The following TANC2 variants were observed in gnomAD, a reference collection of about 807,000 sequenced individuals.
The protein encoded by TANC2 is protein TANC2.
TANC2 carries 26 observed loss-of-function variants against 210.5 expected under a neutral mutation model. The observed-to-expected ratio is 0.12, with a 90% confidence interval of 0.09 to 0.17. The LOEUF is 0.17. TANC2 is among the 10% of genes least tolerant of loss of function. The pLI is 1.00. For missense variants in TANC2, 2,129 were observed against 2,608.9 expected (o/e 0.82, Z 4.01); for synonymous variants, 931 against 967.1 (o/e 0.96, Z 0.69).
intron 1 of TANC2, among the ~76,000 whole-genome samples, chr17:62,995,985 A>G (rs575049621): frequency 1.3e-5 from 2 of 152,338 alleles, no homozygotes; most frequent in African/African-American, 4.8e-5. Flanking sequence ...AATTTATCTC[A>G]GTCAACACTT....
At chr17:63,379,625 C>T (rs557591523) in intron 14 of TANC2, 93 bp from the exon 15 acceptor site, 107 of 944,324 alleles carry the variant, frequency 1.1e-4, no homozygotes, top group Middle Eastern at 1.0e-3. Context: ...GCCGAGATTG[C>T]GCCACCGCAC....
At position 63,412,839 on chromosome 17, in the gene TANC2, A is replaced by T; in HGVS notation, c.3928+130A>T. 1 of 1,088,794 alleles carries T rather than the reference A, an allele frequency of 9.2e-7. No homozygotes were observed. Among genetic ancestry groups the T allele is most frequent in the Non-Finnish European group, 1.3e-6 (1 of 780,826 alleles). The allele number at this position is 1,088,794 out of a possible 1,614,324, so 67.4% of individuals were successfully genotyped here. The stretch of plus-strand genomic sequence containing the variant: ...TTAATTTACTTCACCTTAAAAGAAG[A>T]TTTTTTTTAATGACTGTTGTAGAGA... On this transcript the variant is annotated intron_variant, in intron 24 of 27. Coordinates refer to ENST00000689528, the Ensembl canonical transcript of TANC2. This position sits in a 1 kb window ranked among gnomAD's most constrained non-coding sequence, Gnocchi z 4.2.
chr17:63,183,667 A>G (rs1342236495), intron 5 of TANC2, among the ~76,000 whole-genome samples: 1 of 152,160 alleles, frequency 6.6e-6, no homozygotes, highest in Non-Finnish European at 1.5e-5. Flanking sequence ...TATATAAAAT[A>G]TTTTTTAAAA....
intron 8 of TANC2, among the ~76,000 whole-genome samples, chr17:63,255,813 C>A (rs549311753): frequency 4.0e-5 from 6 of 148,640 alleles, no homozygotes; most frequent in Non-Finnish European, 8.9e-5. Context: ...CTGCTCTAAT[C>A]TTTATTTCTT....
chr17:63,054,378 GT>G (rs1265115000), intron 2 of TANC2, among the ~76,000 whole-genome samples: 1 of 151,700 alleles, frequency 6.6e-6, no homozygotes, highest in African/African-American at 2.4e-5. Flanking sequence ...TGTTGTTTTT[GT>G]TTTTTTCTTT....
rs533553968 is a variant in TANC2 at position 63,392,134 on chromosome 17, C to T, written c.3051+2590C>T. ...CTGGTCTTCCTTCCGTCCTCATACTCGCCATGGCTTCAGCATTAAAGTCAT... is the reference window on the plus strand; with the variant it reads ...CTGGTCTTCCTTCCGTCCTCATACTTGCCATGGCTTCAGCATTAAAGTCAT... On this transcript the variant is annotated intron_variant, in intron 17 of 27. Coordinates refer to ENST00000689528, the Ensembl canonical transcript of TANC2. Among the ~76,000 whole-genome samples the T allele has an allele frequency of 5.9e-5, 9 of 152,322 alleles. No individual in the cohort carries two copies. The East Asian group carries it at 7.7e-4, about 13-fold the overall frequency.
chr17:63,236,181 A>G (rs1178101978), intron 7 of TANC2, among the ~76,000 whole-genome samples: 4 of 152,040 alleles, frequency 2.6e-5, no homozygotes, highest in Non-Finnish European at 5.9e-5. Flanking sequence ...TCTTTTAGGG[A>G]CCGCTGAGGC....
intron 7 of TANC2, among the ~76,000 whole-genome samples, chr17:63,208,455 T>A (rs2041789291): frequency 6.6e-6 from 1 of 152,166 alleles, no homozygotes; most frequent in Non-Finnish European, 1.5e-5. Context: ...GTAAACAAAG[T>A]CCCCTAACTT....
chr17:63,282,193 T>G (rs570860803), intron 9 of TANC2, among the ~76,000 whole-genome samples: 18 of 151,972 alleles, frequency 1.2e-4, no homozygotes, highest in African/African-American at 4.1e-4. Flanking sequence ...TTTGAAAAAA[T>G]AAAATTTATG....
At chr17:63,177,663 G>A (rs1009154866) in intron 5 of TANC2, among the ~76,000 whole-genome samples, 10 of 152,012 alleles carry the variant, frequency 6.6e-5, no homozygotes, top group Admixed American at 2.0e-4. Context: ...GCTCTGATTC[G>A]TGCTGTAGGT....
intron 4 of TANC2, among the ~76,000 whole-genome samples, chr17:63,144,412 T>C (rs12602745): frequency 0.14 from 21,645 of 152,222 alleles, 1,993 homozygotes; most frequent in Middle Eastern, 0.21. Flanking sequence ...ATATTTCCTT[T>C]ATATTTGTAT....
intron 9 of TANC2, among the ~76,000 whole-genome samples, chr17:63,268,617 G>T (rs2043601759): frequency 6.6e-6 from 1 of 151,988 alleles, no homozygotes; most frequent in African/African-American, 2.4e-5. Context: ...TTTCATTTTT[G>T]TTTTAGTGGC....
chr17:63,285,071 A>G (rs2044179925), intron 9 of TANC2, among the ~76,000 whole-genome samples: 1 of 152,090 alleles, frequency 6.6e-6, no homozygotes, highest in Non-Finnish European at 1.5e-5. Context: ...GTGTTAGCAT[A>G]TATTAGTTAT....
At chr17:63,008,482 G>A (rs1417030169) in intron 1 of TANC2, among the ~76,000 whole-genome samples, 1 of 152,050 alleles carries the variant, frequency 6.6e-6, no homozygotes, top group Admixed American at 6.6e-5. Flanking sequence ...ACACTTTTGG[G>A]AAATTTTGCT....
chr17:63,150,378 A>T (rs1238918743), intron 4 of TANC2: 2 of 152,210 alleles, frequency 1.3e-5, no homozygotes, highest in Admixed American at 6.5e-5. Context: ...TTTAACTTTT[A>T]CAATAACTGA....
chr17:63,215,275 G>T (rs2041995256), intron 7 of TANC2, among the ~76,000 whole-genome samples: 1 of 152,146 alleles, frequency 6.6e-6, no homozygotes, highest in Admixed American at 6.5e-5. Flanking sequence ...ACATATAGAG[G>T]ATCTAAACCA....
chr17:63,302,176 T>A (rs561168028), intron 9 of TANC2, among the ~76,000 whole-genome samples: 11 of 152,366 alleles, frequency 7.2e-5, no homozygotes, highest in Admixed American at 1.3e-4. Flanking sequence ...TTGCATTTGC[T>A]GAGGAGTGTT....
At chr17:63,392,418 G>A (rs150972163) in intron 17 of TANC2, among the ~76,000 whole-genome samples, 5 of 152,230 alleles carry the variant, frequency 3.3e-5, no homozygotes, top group Non-Finnish European at 7.4e-5. Context: ...CAGAACTAGG[G>A]AGTCATTGAC....
At chr17:63,313,935 T>C (rs1021794563) in intron 9 of TANC2, among the ~76,000 whole-genome samples, 1 of 152,222 alleles carries the variant, frequency 6.6e-6, no homozygotes, top group Non-Finnish European at 1.5e-5. Context: ...TACGGTAAGC[T>C]GTCTAGATGC....
Sources: allele counts gnomAD v4.1 joint callset (sites outside exome capture counted in the v4.1 genomes callset), GRCh38; gene constraint gnomAD v4.1.1; non-coding constraint Gnocchi (gnomAD v3.1); transcripts MANE v1.5; gene names NCBI Gene and HGNC (gene_info 2026-07-23, HGNC 2026-07-21).